The following PARD3B variants were observed in gnomAD, a reference collection of about 807,000 sequenced individuals.
The protein encoded by PARD3B is partitioning defective 3 homolog B.
A neutral mutation model predicts 130.2 loss-of-function variants in PARD3B; 103 were observed. That is an observed-to-expected ratio of 0.79 (90% CI 0.67 to 0.93). PARD3B has a LOEUF of 0.93. PARD3B is among the 40% of genes least tolerant of loss of function. The pLI, the probability that PARD3B is intolerant of heterozygous loss-of-function variation, is 0.00. For missense variants in PARD3B, 1,609 were observed against 1,499.2 expected (o/e 1.07, Z -1.21); for synonymous variants, 583 against 553.2 (o/e 1.05, Z -0.76).
At chr2:205,123,943 G>A (rs989411209) in intron 8 of PARD3B, among the ~76,000 whole-genome samples, 12 of 152,198 alleles carry the variant, frequency 7.9e-5, no homozygotes, top group Admixed American at 2.0e-4. Context: ...TCAGCCATAG[G>A]TTGTCCAGCT....
intron 21 of PARD3B, among the ~76,000 whole-genome samples, chr2:205,535,973 A>G (rs1429930473): frequency 3.3e-5 from 5 of 152,194 alleles, no homozygotes; most frequent in Non-Finnish European, 5.9e-5. Context: ...CACCTGGGGT[A>G]GGATTGAGAC....
chr2:205,594,077 C>G lies in PARD3B; in HGVS notation c.3261-21379C>G, dbSNP rs573353462. On this transcript the variant is annotated intron_variant, in intron 22 of 22. Coordinates refer to ENST00000406610, the MANE Select transcript of PARD3B (RefSeq NM_001302769.2). ...GAAGGGCAGCAACGTGAGCTGAGTT[C>G]ATCTTGGCCTGGAGCCTGTGTGGTT... Among the ~76,000 whole-genome samples, 114 of 152,328 alleles carry G rather than the reference C, an allele frequency of 7.5e-4. No homozygotes were observed. In the South Asian group the frequency reaches 0.011, roughly 14 times the overall value.
At chr2:204,990,630 T>G (rs1298381560) in intron 3 of PARD3B, among the ~76,000 whole-genome samples, 1 of 152,130 alleles carries the variant, frequency 6.6e-6, no homozygotes, top group East Asian at 1.9e-4. Flanking sequence ...TGTATCTGTC[T>G]GTGTGTGTAT....
chr2:204,751,865 A>G (rs1315423495), intron 2 of PARD3B, among the ~76,000 whole-genome samples: 2 of 152,178 alleles, frequency 1.3e-5, no homozygotes, highest in Non-Finnish European at 2.9e-5. Flanking sequence ...GTAATCACTG[A>G]CTTAAAATTT....
chr2:205,188,831 G>A (rs2036239727), intron 14 of PARD3B, among the ~76,000 whole-genome samples: 1 of 151,296 alleles, frequency 6.6e-6, no homozygotes, highest in African/African-American at 2.4e-5. Context: ...GGAAAAAAGG[G>A]TGTTGGAGGG....
At chr2:205,103,359 T>TTTTTATGTAAAATAAATATA (rs71032441) in intron 4 of PARD3B, among the ~76,000 whole-genome samples, 1 of 68,122 alleles carries the variant, frequency 1.5e-5, no homozygotes. Flanking sequence ...AATAAATATA[T>TTTTTATGTAAAATAAATATA]TTTTTATTTA....
At chr2:204,679,288 T>C (rs1235718633) in intron 1 of PARD3B, among the ~76,000 whole-genome samples, 2 of 152,204 alleles carry the variant, frequency 1.3e-5, no homozygotes, top group Non-Finnish European at 2.9e-5. Context: ...TATATATTCA[T>C]AGCAGGATTT....
chr2:204,583,663 G>A (rs2032690502), intron 1 of PARD3B, among the ~76,000 whole-genome samples: 1 of 147,444 alleles, frequency 6.8e-6, no homozygotes, highest in African/African-American at 2.5e-5. Flanking sequence ...GTGTATACCT[G>A]TGACATTTAC....
In PARD3B at chr2:204,960,100, A is replaced by G. The variant is rs568305291; in HGVS notation, c.223-5052A>G. ...TTCACGACTTTGAAAATAAAGCTGGACACATCACTGTTGAGCTTATGACGT... is the reference window on the plus strand; with the variant it reads ...TTCACGACTTTGAAAATAAAGCTGGGCACATCACTGTTGAGCTTATGACGT... On this transcript the variant is annotated intron_variant, in intron 2 of 22. Coordinates refer to ENST00000406610, the MANE Select transcript of PARD3B (RefSeq NM_001302769.2). 3.3e-5 allele frequency among the ~76,000 whole-genome samples: 5 copies of G among 152,330 alleles called. No individual in the cohort carries two copies. In the South Asian group the frequency reaches 1.0e-3, roughly 32 times the overall value.
At chr2:204,605,145 T>A (rs2033663533) in intron 1 of PARD3B, among the ~76,000 whole-genome samples, 1 of 152,168 alleles carries the variant, frequency 6.6e-6, no homozygotes, top group Non-Finnish European at 1.5e-5. Context: ...TGTGACCTGG[T>A]GTCAGAAATG....
chr2:205,173,364 A>G (rs2035285828), intron 12 of PARD3B, among the ~76,000 whole-genome samples: 1 of 152,166 alleles, frequency 6.6e-6, no homozygotes, highest in East Asian at 1.9e-4. Context: ...TTGGGTTTCA[A>G]TCCTAGATTT....
chr2:205,512,630 A>G (rs1387900469), intron 21 of PARD3B, among the ~76,000 whole-genome samples: 1 of 152,188 alleles, frequency 6.6e-6, no homozygotes, highest in East Asian at 1.9e-4. Context: ...AGGAAAATGT[A>G]CATCGAGCCT....
At chr2:204,708,173 T>C (rs2038269020) in intron 2 of PARD3B, among the ~76,000 whole-genome samples, 1 of 152,138 alleles carries the variant, frequency 6.6e-6, no homozygotes, top group Middle Eastern at 3.2e-3. Flanking sequence ...TTGATTTGTT[T>C]TGTTTTTTAA....
chr2:205,563,524 GT>G lies in PARD3B; in HGVS notation c.3260+10125del, dbSNP rs1402140817. 6.6e-6 allele frequency among the ~76,000 whole-genome samples: 1 copy of G among 152,002 alleles called. No homozygotes were observed. The highest frequency in any genetic ancestry group is 6.6e-5 in the Admixed American group (1 of 15,262). ...AGAGGTTGGAATGCTTACATCATCT[GT>G]TTTCATAAGTAATGTGAGTTCATGA... On this transcript the variant is annotated intron_variant, in intron 22 of 22. Coordinates refer to ENST00000406610, the MANE Select transcript of PARD3B (RefSeq NM_001302769.2). The surrounding 1 kb of genome is among the most constrained non-coding windows in gnomAD (Gnocchi z 4.2).
At chr2:205,344,537 C>T (rs1299163857) in intron 18 of PARD3B, among the ~76,000 whole-genome samples, 1 of 152,160 alleles carries the variant, frequency 6.6e-6, no homozygotes, top group African/African-American at 2.4e-5. Flanking sequence ...GCAGTCTCCA[C>T]CTGTCCCAGG....
intron 22 of PARD3B, among the ~76,000 whole-genome samples, chr2:205,610,236 C>T (rs1351144220): frequency 6.6e-6 from 1 of 152,154 alleles, no homozygotes; most frequent in East Asian, 1.9e-4. Flanking sequence ...GGGAACAGGA[C>T]ACCACCTTGA....
intron 4 of PARD3B, among the ~76,000 whole-genome samples, chr2:205,069,860 TA>T (rs1700616305): frequency 6.6e-6 from 1 of 152,048 alleles, no homozygotes; most frequent in Non-Finnish European, 1.5e-5. Flanking sequence ...AGTAAAGAGC[TA>T]GTATCTACAC....
chr2:204,787,015 C>T (rs895783094), intron 2 of PARD3B, among the ~76,000 whole-genome samples: 20 of 152,140 alleles, frequency 1.3e-4, no homozygotes, highest in African/African-American at 4.3e-4. Context: ...ATCAACAACA[C>T]GTACTTTTTT....
At chr2:204,613,620 T>G (rs183164130) in intron 1 of PARD3B, among the ~76,000 whole-genome samples, 1 of 152,112 alleles carries the variant, frequency 6.6e-6, no homozygotes, top group Admixed American at 6.6e-5. Flanking sequence ...CTTTGTCTTT[T>G]TGTTGTATTC....
Sources: gnomAD v4.1 joint callset for allele counts (sites outside exome capture counted in the v4.1 genomes callset) on GRCh38, gnomAD v4.1.1 for gene constraint, Gnocchi (gnomAD v3.1) non-coding constraint, MANE v1.5 for transcripts, NCBI Gene and HGNC (gene_info 2026-07-23, HGNC 2026-07-21) for gene names.